The following TTN variants were observed in gnomAD, a reference collection of about 807,000 sequenced individuals.
TTN encodes the protein connectin.
In TTN, 1,525 loss-of-function variants were observed where a neutral mutation model predicts 3,223.0. The ratio of observed to expected loss-of-function variants is 0.47; its 90% CI spans 0.45 to 0.49. TTN has a LOEUF of 0.49. Among genes scored for constraint, TTN ranks in the 20% least tolerant of loss-of-function variants. TTN has a pLI of 0.00. For synonymous variants in TTN, 14,094 were observed against 15,161.0 expected, an observed-to-expected ratio of 0.93 and a Z score of 5.17; for missense variants, 40,786 against 43,424.0, an observed-to-expected ratio of 0.94 and a Z score of 5.40.
chr2:178,741,700 C>T lies in TTN; in HGVS notation c.11533G>A (p.Gly3845Ser). The change falls in exon 48 of 363, where the codon GGC becomes AGC. Residue 3845 changes from glycine (G) to serine (S), a missense_variant. Gly to Ser is a moderately conservative substitution (Grantham distance 56). Coordinates refer to ENST00000589042, the MANE Select transcript of TTN (RefSeq NM_001267550.2). ...CACTGAATTTTAGGTTTGGGGATGC[C>T]AATGACAGTTACAGACAGTGTAGCC... ...DVATLSVTVIGIPKPKIQWFF... is the reference protein window; with the variant it reads ...DVATLSVTVISIPKPKIQWFF... The T allele has an allele frequency of 6.2e-7, 1 of 1,613,666 alleles. No individual in the cohort carries two copies. Among genetic ancestry groups the T allele is most frequent in the Non-Finnish European group, 8.5e-7 (1 of 1,179,732 alleles).
At position 178,728,227 on chromosome 2, in the gene TTN, C is replaced by T. The variant is rs886042142; in HGVS notation, c.19597G>A (p.Glu6533Lys). The T allele has an allele frequency of 1.9e-6, 3 of 1,613,090 alleles. No homozygotes were observed. Among genetic ancestry groups the T allele is most frequent in the Non-Finnish European group, 2.5e-6 (3 of 1,179,440 alleles). Residue 6533 changes from glutamate to lysine, a missense_variant, in exon 67 of 363, where the codon GAG becomes AAG. Coordinates refer to ENST00000589042, the MANE Select transcript of TTN (RefSeq NM_001267550.2). ...TSAKYRLVCH[E>K]RSVSLEVNNL... ...TTAACTTCCAGAGACACAGATCTCT[C>T]ATGGCACACAAGTCTGTATTTTGCA...
chr2:178,566,864 A>C lies in TTN; in HGVS notation c.79268T>G (p.Val26423Gly). ...AATGCCACTTCTGTCTCTTTTCTCT[A>C]CAATGTAACCAATAATCTCACTTCC... ...DGGSEIIGYI[V>G]EKRDRSGIRW... Residue 26423 changes from valine to glycine, a missense_variant, in exon 326 of 363, where the codon GTA (valine) becomes GGA (glycine). Physicochemically the swap from Val to Gly is moderately radical, Grantham distance 109. Transcript: ENST00000589042. 6.2e-7 allele frequency: 1 copy of C among 1,613,448 alleles called. No individual in the cohort carries two copies.
chr2:178,652,376 A>G, intron 202 of TTN, 29 bp from the exon 203 acceptor site: 1 of 1,613,480 alleles, frequency 6.2e-7, no homozygotes, highest in Non-Finnish European at 8.5e-7. Flanking sequence ...AATTACATTT[A>G]GGCATTATGA....
Position 178,723,230 on chromosome 2 carries a change from A to C in TTN, c.21777T>G (p.Ile7259Met), listed in dbSNP as rs727505220. 1 of 1,613,600 alleles carries C rather than the reference A, an allele frequency of 6.2e-7. No individual in the cohort carries two copies. Among genetic ancestry groups the C allele is most frequent in the East Asian group, 2.2e-5 (1 of 44,850 alleles). The change falls in exon 75 of 363, where the codon ATT becomes ATG. Residue 7259 changes from isoleucine (I) to methionine (M), a missense_variant. Ile to Met is a conservative substitution (Grantham distance 10, BLOSUM62 1). Transcript: ENST00000589042. Reference protein sequence around the residue: ...LESTYTGTLPISVTWKKDGFN... With the variant: ...LESTYTGTLPMSVTWKKDGFN... ...AACCATCCTTTTTCCAAGTGACAGA[A>C]ATTGGAAGTGTTCCAGTGTAGGTGC... is the stretch of plus-strand genomic sequence containing the variant.
chr2:178,802,306 C>A lies in TTN; in HGVS notation c.127G>T (p.Gly43Cys). The A allele has an allele frequency of 1.2e-6, 2 of 1,614,138 alleles. No individual in the cohort carries two copies. The highest frequency in any genetic ancestry group is 1.7e-6 in the Non-Finnish European group (2 of 1,180,000). ...AGAGTGGAAGTGGAAATCACCTGGC[C>A]ATCCCTAAACCAGCTCACCTCAGGA... Reference protein sequence around the residue: ...PVPEVSWFRDGQVISTSTLPG... With the variant: ...PVPEVSWFRDCQVISTSTLPG... The change falls in exon 3 of 363, where the codon GGC becomes TGC. Residue 43 changes from glycine (G) to cysteine (C), a missense_variant. Gly to Cys is a radical substitution (Grantham distance 159, BLOSUM62 -3). Coordinates refer to ENST00000589042, the MANE Select transcript of TTN (RefSeq NM_001267550.2).
chr2:178,564,912 C>T lies in TTN; in HGVS notation c.81220G>A (p.Gly27074Arg), dbSNP rs769814202. The T allele has an allele frequency of 2.4e-5, 39 of 1,612,264 alleles. No homozygotes were observed. In the East Asian group the frequency reaches 8.7e-4, roughly 36 times the overall value. ...GTCACAAAAGGAGTTCCAGGTGGTCCAGGTTCTTTAAATGGATATTGTACA... is the reference window on the plus strand; with the variant it reads ...GTCACAAAAGGAGTTCCAGGTGGTCTAGGTTCTTTAAATGGATATTGTACA... Reference protein sequence around the residue: ...VIVQYPFKEPGPPGTPFVTSI... With the variant: ...VIVQYPFKEPRPPGTPFVTSI... Residue 27074 changes from glycine to arginine, a missense_variant, in exon 326 of 363, where the codon GGA becomes AGA. Gly to Arg is a moderately radical substitution (Grantham distance 125). Transcript: ENST00000589042.
At chr2:178,698,229 G>A (rs2074066589) in intron 112 of TTN, among the ~76,000 whole-genome samples, 1 of 151,976 alleles carries the variant, frequency 6.6e-6, no homozygotes, top group Non-Finnish European at 1.5e-5. Context: ...CAGAGGCTGG[G>A]GATTTGAGGG....
At chr2:178,544,155 G>A in intron 345 of TTN, 40 bp from the exon 346 acceptor site, 2 of 1,604,882 alleles carry the variant, frequency 1.2e-6, no homozygotes, top group Non-Finnish European at 1.7e-6. Flanking sequence ...TTCATGGACA[G>A]GTGTGAGAAG....
chr2:178,745,021 T>C, intron 47 of TTN: 5 of 986,362 alleles, frequency 5.1e-6, no homozygotes, highest in South Asian at 4.7e-5. Flanking sequence ...GATTGAAATG[T>C]CAAACAGATT....
In TTN at chr2:178,694,836, G is replaced by T; in HGVS notation, c.31341C>A (p.Val10447=). The change falls in exon 116 of 363, where the codon GTC becomes GTA. Residue 10447 remains valine (V), a synonymous_variant. Transcript: ENST00000589042. Reference sequence around the variant, plus strand: ...GAATGTTTTAAATAATACCTTTGGTGACTTGAACTTTTTCTTCCTCCATTC... The same window carrying T: ...GAATGTTTTAAATAATACCTTTGGTTACTTGAACTTTTTCTTCCTCCATTC... ...SRRMEEEKVQ[V]TKVPEVSKKI... is the part of the protein sequence containing the mutation. The T allele has an allele frequency of 6.4e-7, 1 of 1,557,328 alleles. No homozygotes were observed. The highest frequency in any genetic ancestry group is 8.7e-7 in the Non-Finnish European group (1 of 1,148,712).
Position 178,574,093 on chromosome 2 carries a change from C to G in TTN, c.72039G>C (p.Glu24013Asp), listed in dbSNP as rs529670209. Residue 24013 changes from glutamate (E) to aspartate (D), a missense_variant, in exon 326 of 363, where the codon GAG (glutamate) becomes GAC (aspartate). Transcript: ENST00000589042. ...CCCTGCAAGTGATAGCATCAGATGGCTCAGATGGTGGACTGATGGCACCTG... is the reference window on the plus strand; with the variant it reads ...CCCTGCAAGTGATAGCATCAGATGGGTCAGATGGTGGACTGATGGCACCTG... ...NAAGAISPPSEPSDAITCRDD... is the reference protein window; with the variant it reads ...NAAGAISPPSDPSDAITCRDD... 16 of 1,613,468 alleles carry G rather than the reference C, an allele frequency of 9.9e-6. No individual in the cohort carries two copies. The Admixed American group carries it at 1.8e-4, about 18-fold the overall frequency.
Position 178,546,295 on chromosome 2 carries a change from T to C in TTN, c.95036A>G (p.Asp31679Gly). The change falls in exon 342 of 363, where the codon GAC becomes GGC. Residue 31679 changes from aspartate (D) to glycine (G), a missense_variant. Physicochemically the swap from Asp to Gly is moderately conservative, Grantham distance 94 (BLOSUM62 -1). Coordinates refer to ENST00000589042, the MANE Select transcript of TTN (RefSeq NM_001267550.2). ...AGTGTATTTTCCACTGTCACTTCTGTCACAGAACTTGATCACAGCAGTTGC... is the reference window on the plus strand; with the variant it reads ...AGTGTATTTTCCACTGTCACTTCTGCCACAGAACTTGATCACAGCAGTTGC... The part of the protein sequence containing the change: ...KRATAVIKFC[D>G]RSDSGKYTLT... 1 of 1,613,856 alleles carries C rather than the reference T, an allele frequency of 6.2e-7. No individual in the cohort carries two copies. The highest frequency in any genetic ancestry group is 2.2e-5 in the East Asian group (1 of 44,876).
Position 178,781,234 on chromosome 2 carries a change from C to T in TTN, c.3410G>A (p.Gly1137Asp), listed in dbSNP as rs864309575. The T allele has an allele frequency of 3.7e-6, 6 of 1,614,026 alleles. No individual in the cohort carries two copies. Among genetic ancestry groups the T allele is most frequent in the Non-Finnish European group, 5.1e-6 (6 of 1,179,958 alleles). Residue 1137 changes from glycine (G) to aspartate (D), a missense_variant, in exon 21 of 363, where the codon GGT becomes GAT. Coordinates refer to ENST00000589042, the MANE Select transcript of TTN (RefSeq NM_001267550.2). The part of the protein sequence containing the change: ...RYKVSYNKQT[G>D]ECKLVISMTF... ...CATAGAAATCACCAGCTTGCATTCACCGGTTTGTTTGTTGTAACTCACTTT... is the reference window on the plus strand; with the variant it reads ...CATAGAAATCACCAGCTTGCATTCATCGGTTTGTTTGTTGTAACTCACTTT...
At position 178,566,987 on chromosome 2, in the gene TTN, T is replaced by G. The variant is rs727505049; in HGVS notation, c.79145A>C (p.Asn26382Thr). ...TGGTGGTCCAGGAAGCACAAATGGATTTTTCATTAGTACTGGTGCAGATTC... is the reference window on the plus strand; with the variant it reads ...TGGTGGTCCAGGAAGCACAAATGGAGTTTTCATTAGTACTGGTGCAGATTC... ...PLESAPVLMK[N>T]PFVLPGPPKS... Residue 26382 changes from asparagine (N) to threonine (T), a missense_variant, in exon 326 of 363, where the codon AAT (asparagine) becomes ACT (threonine). Physicochemically the swap from Asn to Thr is moderately conservative, Grantham distance 65. Coordinates refer to ENST00000589042, the MANE Select transcript of TTN (RefSeq NM_001267550.2). 5.0e-6 allele frequency: 8 copies of G among 1,613,612 alleles called. No individual in the cohort carries two copies. The highest frequency in any genetic ancestry group is 6.8e-6 in the Non-Finnish European group (8 of 1,179,650).
Position 178,591,021 on chromosome 2 carries a change from T to A in TTN, c.60704A>T (p.His20235Leu). Residue 20235 changes from histidine to leucine, a missense_variant, in exon 304 of 363, where the codon CAT becomes CTT. Physicochemically the swap from His to Leu is moderately conservative, Grantham distance 99. Transcript: ENST00000589042. ...AACATATTCACAGCCCTTCTGCAGA[T>A]GTGGGATTTTCAGCTTTGTCTTACT... ...GSSKTKLKIP[H>L]LQKGCEYVFR... is the part of the protein sequence containing the mutation. 1 of 1,613,510 alleles carries A rather than the reference T, an allele frequency of 6.2e-7. No homozygotes were observed. The highest frequency in any genetic ancestry group is 8.5e-7 in the Non-Finnish European group (1 of 1,179,576).
intron 249 of TTN, 29 bp from the exon 250 acceptor site, chr2:178,619,916 A>G (rs1290470993): frequency 2.5e-6 from 4 of 1,601,832 alleles, no homozygotes; most frequent in Non-Finnish European, 2.6e-6. Context: ...ATAAATACAA[A>G]TATGTTTACA....
chr2:178,571,608 T>C lies in TTN; in HGVS notation c.74524A>G (p.Asn24842Asp), dbSNP rs1708221113. The C allele has an allele frequency of 1.2e-6, 2 of 1,613,174 alleles. No individual in the cohort carries two copies. The change falls in exon 326 of 363, where the codon AAT becomes GAT. Residue 24842 changes from asparagine (N) to aspartate (D), a missense_variant. Transcript: ENST00000589042. ...TCCCGTTTCTCAACAATGTAATTAT[T>C]GATAGAACTTCCACCATCATACTTG... is the stretch of plus-strand genomic sequence containing the variant. ...PPKYDGGSSI[N>D]NYIVEKRDTS...
Position 178,548,017 on chromosome 2 carries a change from A to G in TTN, c.93609T>C (p.Ser31203=), listed in dbSNP as rs373876522. The G allele has an allele frequency of 1.9e-6, 3 of 1,613,728 alleles. No homozygotes were observed. Among genetic ancestry groups the G allele is most frequent in the Non-Finnish European group, 2.5e-6 (3 of 1,179,806 alleles). Residue 31203 remains serine (S), a synonymous_variant, in exon 339 of 363, where the codon TCT becomes TCC. Transcript: ENST00000589042. This position sits in a 1 kb window ranked among gnomAD's most constrained non-coding sequence, Gnocchi z 4.3. ...GYSEPREAFS[S]VIIKEPQIEP... is the part of the protein sequence containing the mutation. ...CGATTTGAGGCTCCTTAATGATGAC[A>G]GAAGAGAAGGCTTCTCTGGGTTCAC...
At chr2:178,738,504 G>A (rs944054970) in intron 48 of TTN, 144 bp from the exon 49 acceptor site, 61 of 1,002,978 alleles carry the variant, frequency 6.1e-5, no homozygotes, top group Non-Finnish European at 7.8e-5. Flanking sequence ...GCAAGTGACT[G>A]GAAAATGAGA....
Sources: gnomAD v4.1 joint callset for allele counts (sites outside exome capture counted in the v4.1 genomes callset) on GRCh38, gnomAD v4.1.1 for gene constraint, Gnocchi (gnomAD v3.1) non-coding constraint, MANE v1.5 for transcripts, NCBI Gene and HGNC (gene_info 2026-07-23, HGNC 2026-07-21) for gene names.